GLYR1: variants seen among roughly 807,000 people sequenced by gnomAD.
GLYR1 encodes cytokine-like nuclear factor N-PAC.
A neutral mutation model predicts 72.7 loss-of-function variants in GLYR1; 21 were observed. That is an observed-to-expected ratio of 0.29 (90% CI 0.20 to 0.42). The LOEUF (loss-of-function observed/expected upper bound fraction) is 0.42. GLYR1 is among the 10% of genes least tolerant of loss of function. GLYR1 has a pLI of 1.00. For synonymous variants in GLYR1, 392 were observed against 270.2 expected, an observed-to-expected ratio of 1.45 and a Z score of -4.42; for missense variants, 594 against 712.1, an observed-to-expected ratio of 0.83 and a Z score of 1.89.
intron 10 of GLYR1, among the ~76,000 whole-genome samples, chr16:4,815,050 T>C (rs1448641197): frequency 6.6e-6 from 1 of 152,158 alleles, no homozygotes; most frequent in Non-Finnish European, 1.5e-5. Context: ...TTGGGTTGTT[T>C]CTCAACACTG....
chr16:4,846,422 G>A (rs2086068716), intron 1 of GLYR1, among the ~76,000 whole-genome samples: 1 of 152,218 alleles, frequency 6.6e-6, no homozygotes, highest in Admixed American at 6.5e-5. Context: ...TGTTGACAAG[G>A]AATACAGAAC....
chr16:4,835,329 T>C lies in GLYR1; in HGVS notation c.156-2417A>G, dbSNP rs1234674409. 2.0e-5 allele frequency among the ~76,000 whole-genome samples: 3 copies of C among 152,226 alleles called. No homozygotes were observed. In the East Asian group the frequency reaches 5.8e-4, roughly 29 times the overall value. On this transcript the variant is annotated intron_variant, in intron 3 of 15. Transcript: ENST00000321919. ...GCATCTTACAAGGTTTACTGATTTC[T>C]GCTAGAAGGAACTGTACAGTCAAAA...
At chr16:4,845,397 T>C (rs906550118) in intron 2 of GLYR1, among the ~76,000 whole-genome samples, 2 of 152,232 alleles carry the variant, frequency 1.3e-5, no homozygotes, top group African/African-American at 2.4e-5. Flanking sequence ...ATTTAACATG[T>C]AGCACAGTGC....
chr16:4,819,877 G>T lies in GLYR1; in HGVS notation c.806+1503C>A, dbSNP rs753935783. Among the ~76,000 whole-genome samples, 75 of 152,132 alleles carry T rather than the reference G, an allele frequency of 4.9e-4. 1 individual carries two copies. The highest frequency in any genetic ancestry group is 1.9e-4 in the Non-Finnish European group (13 of 67,986). On this transcript the variant is annotated intron_variant, in intron 9 of 15. Coordinates refer to ENST00000321919, the MANE Select transcript of GLYR1 (RefSeq NM_032569.4). ...GCTTCAAGTTGTGGCTTAAAAACAA[G>T]GAGGTACCTTTTTGTCACTCATTAT...
chr16:4,842,263 C>CA lies in GLYR1; in HGVS notation c.155+2810dup, dbSNP rs374042521. 8.1e-3 allele frequency among the ~76,000 whole-genome samples: 1,209 copies of CA among 149,302 alleles called. 10 individuals are homozygous for CA. Among genetic ancestry groups the CA allele is most frequent in the African/African-American group, 0.024 (979 of 40,746 alleles). ...CGTTTCAAAAAAAAAAAAACAACAA[C>CA]AAAAAAAAACAAACAGAAAAACAAA... On this transcript the variant is annotated intron_variant, in intron 3 of 15. Coordinates refer to ENST00000321919, the MANE Select transcript of GLYR1 (RefSeq NM_032569.4).
chr16:4,810,697 A>T (rs2083274024), intron 15 of GLYR1, among the ~76,000 whole-genome samples: 1 of 85,868 alleles, frequency 1.2e-5, no homozygotes, highest in Non-Finnish European at 2.2e-5. Context: ...CCCTGTCTCT[A>T]CTAAAAAAAA....
chr16:4,812,792 G>T lies in GLYR1; in HGVS notation c.1120-544C>A, dbSNP rs1387666573. Among the ~76,000 whole-genome samples, 6 of 150,396 alleles carry T rather than the reference G, an allele frequency of 4.0e-5. No individual in the cohort carries two copies. The Admixed American group carries it at 4.0e-4, about 10-fold the overall frequency. On this transcript the variant is annotated intron_variant, in intron 12 of 15. Coordinates refer to ENST00000321919, the MANE Select transcript of GLYR1 (RefSeq NM_032569.4). ...AGGAGTGAGCCACCACGCCTGGCCG[G>T]AATTTTTTTGTTTTGTTTTTTTGAG...
At chr16:4,823,759 A>AAT in intron 6 of GLYR1, 62 bp downstream of exon 6, 1 of 1,130,116 alleles carries the variant, frequency 8.8e-7, no homozygotes. Context: ...AAAAAAAAAA[A>AAT]GGATCACACA....
chr16:4,840,782 C>T (rs2085494001), intron 3 of GLYR1, among the ~76,000 whole-genome samples: 1 of 152,286 alleles, frequency 6.6e-6, no homozygotes, highest in Non-Finnish European at 1.5e-5. Context: ...GGAACCGGTA[C>T]CTGAATGCAC....
At chr16:4,817,877 T>C in intron 9 of GLYR1, 180 bp from the exon 10 acceptor site, 2 of 592,174 alleles carry the variant, frequency 3.4e-6, no homozygotes, top group Admixed American at 5.9e-5. Context: ...GGGTCTTCTC[T>C]TATGCCATGG....
Position 4,822,592 on chromosome 16 carries a change from T to C in GLYR1, c.681+283A>G, listed in dbSNP as rs1052847363. Among the ~76,000 whole-genome samples the C allele has an allele frequency of 7.2e-5, 11 of 152,332 alleles. No homozygotes were observed. In the South Asian group the frequency reaches 1.0e-3, roughly 14 times the overall value. ...TTTTAGTAGAGATGAGGTTTCACCA[T>C]GTTGGTCAGACTGGTCTTGAATCCC... is the stretch of plus-strand genomic sequence containing the variant. On this transcript the variant is annotated intron_variant, in intron 7 of 15. Coordinates refer to ENST00000321919, the MANE Select transcript of GLYR1 (RefSeq NM_032569.4).
At chr16:4,805,855 C>T (rs1596292714) in intron 15 of GLYR1, among the ~76,000 whole-genome samples, 1 of 151,870 alleles carries the variant, frequency 6.6e-6, no homozygotes, top group East Asian at 1.9e-4. Context: ...GTGGCAGGTG[C>T]CTGTAATCCC....
At chr16:4,824,323 G>C (rs1336026498) in intron 5 of GLYR1, among the ~76,000 whole-genome samples, 1 of 151,866 alleles carries the variant, frequency 6.6e-6, no homozygotes, top group Non-Finnish European at 1.5e-5. Context: ...GACCAGCCTG[G>C]CCAACACGGT....
chr16:4,821,359 C>A (rs766912307), intron 9 of GLYR1, 21 bp downstream of exon 9: 1 of 1,611,716 alleles, frequency 6.2e-7, no homozygotes, highest in South Asian at 1.1e-5. Context: ...CCACTGGAGG[C>A]CTTTTCATCA....
intron 12 of GLYR1, among the ~76,000 whole-genome samples, chr16:4,812,918 T>C (rs2083408014): frequency 6.6e-6 from 1 of 151,092 alleles, no homozygotes; most frequent in Non-Finnish European, 1.5e-5. Flanking sequence ...TGCATCAGCC[T>C]CCTCAGTAGC....
chr16:4,821,574 G>C lies in GLYR1; in HGVS notation c.705C>G (p.Ile235Met), dbSNP rs1041887375. The C allele has an allele frequency of 6.2e-7, 1 of 1,613,958 alleles. No individual in the cohort carries two copies. Among genetic ancestry groups the C allele is most frequent in the African/African-American group, 1.3e-5 (1 of 74,938 alleles). ...TEKPAVCYQA[I>M]TKKLKICEEE... ...CTTCACATATTTTCAACTTCTTCGT[G>C]ATTGCCTGGTAACAGACAGCTGGCT... Residue 235 changes from isoleucine (I) to methionine (M), a missense_variant, in exon 8 of 16, where the codon ATC becomes ATG. By Grantham distance (10) the Ile-to-Met change is conservative. Transcript: ENST00000321919.
intron 10 of GLYR1, among the ~76,000 whole-genome samples, chr16:4,815,234 T>G (rs1311935427): frequency 1.3e-5 from 2 of 151,938 alleles, no homozygotes; most frequent in East Asian, 3.9e-4. Flanking sequence ...GCCTCCTGAA[T>G]AGCTGGGACT....
intron 3 of GLYR1, chr16:4,843,913 C>A: frequency 5.1e-6 from 1 of 195,424 alleles, no homozygotes; most frequent in Non-Finnish European, 1.1e-5. Context: ...GAGTTTGAGA[C>A]CAGCCTGGCC....
At position 4,813,589 on chromosome 16, in the gene GLYR1, C is replaced by G. The variant is rs147186769; in HGVS notation, c.1119+148G>C. ...CTAGCTGCGGTTTGAAGGTGGAGCA[C>G]GGGATAGGCTAGTCCCAAGGCTACT... On this transcript the variant is annotated intron_variant, in intron 12 of 15. Transcript: ENST00000321919. 2.2e-3 allele frequency: 1,508 copies of G among 678,210 alleles called. 14 individuals carry two copies. The African/African-American group carries it at 0.025, about 11-fold the overall frequency. 42.0% of individuals were successfully genotyped at this position (678,210 alleles called of 1,614,324 possible). A position where few individuals can be genotyped will look rare whatever the true frequency, so the allele number is the denominator to read the frequency against.
Sources: allele counts gnomAD v4.1 joint callset (sites outside exome capture counted in the v4.1 genomes callset), GRCh38; gene constraint gnomAD v4.1.1; transcripts MANE v1.5; gene names NCBI Gene and HGNC (gene_info 2026-07-23, HGNC 2026-07-21).